The following CNTNAP2 variants were observed in gnomAD, a reference collection of about 807,000 sequenced individuals.
CNTNAP2 encodes contactin associated protein 2.
Under a neutral mutation model 155.2 loss-of-function variants are expected in CNTNAP2, and 98 were observed. That is an observed-to-expected ratio of 0.63 (90% confidence interval 0.54 to 0.75). The LOEUF (loss-of-function observed/expected upper bound fraction) is 0.75. Ranked by LOEUF, CNTNAP2 falls within the 30% of genes least tolerant of loss-of-function variation. CNTNAP2 has a pLI of 0.00. For missense variants in CNTNAP2, 1,727 were observed against 1,688.1 expected (o/e 1.02, Z -0.40); for synonymous variants, 651 against 631.2 (o/e 1.03, Z -0.47).
chr7:146,206,235 T>G (rs1798944730), intron 1 of CNTNAP2, among the ~76,000 whole-genome samples: 1 of 151,756 alleles, frequency 6.6e-6, no homozygotes, highest in Non-Finnish European at 1.5e-5. Flanking sequence ...GAAAATCCAT[T>G]AAATAATTCA....
At chr7:147,849,391 A>G (rs1481025239) in intron 13 of CNTNAP2, among the ~76,000 whole-genome samples, 1 of 152,164 alleles carries the variant, frequency 6.6e-6, no homozygotes, top group African/African-American at 2.4e-5. Context: ...AGACTTTTAG[A>G]ACATGATCTG....
intron 1 of CNTNAP2, among the ~76,000 whole-genome samples, chr7:146,348,379 C>T (rs867779172): frequency 6.6e-6 from 1 of 152,064 alleles, no homozygotes; most frequent in Non-Finnish European, 1.5e-5. Context: ...GAGTGGAGAT[C>T]GTGCCACTGC....
intron 1 of CNTNAP2, among the ~76,000 whole-genome samples, chr7:146,381,173 G>A (rs1272934260): frequency 1.3e-5 from 2 of 151,990 alleles, no homozygotes; most frequent in East Asian, 1.9e-4. Context: ...AGATATCAGC[G>A]AACATGTCAC....
At chr7:146,318,406 CAATAT>C (rs1423695884) in intron 1 of CNTNAP2, among the ~76,000 whole-genome samples, 3 of 151,872 alleles carry the variant, frequency 2.0e-5, no homozygotes, top group Non-Finnish European at 4.4e-5. Flanking sequence ...ACTTCATTGT[CAATAT>C]ATTATACAGG....
chr7:147,176,598 T>C (rs1457469764), intron 8 of CNTNAP2, among the ~76,000 whole-genome samples: 2 of 145,558 alleles, frequency 1.4e-5, no homozygotes, highest in Non-Finnish European at 3.0e-5. Context: ...TTATATCTTA[T>C]ATACATATGT....
In CNTNAP2 at chr7:148,415,604, A is replaced by G; in HGVS notation, c.3984A>G (p.Glu1328=). The G allele has an allele frequency of 2.5e-6, 4 of 1,614,182 alleles. No homozygotes were observed. The highest frequency in any genetic ancestry group is 2.7e-5 in the African/African-American group (2 of 75,054). The part of the protein sequence containing the change: ...FTETIDESKK[E]WLI ...AGACCATTGATGAAAGCAAAAAGGA[A>G]TGGCTCATTTGAGGGGTGGCTACTT... Residue 1328 remains glutamate, a synonymous_variant, in exon 24 of 24, where the codon GAA becomes GAG. Transcript: ENST00000361727.
rs557045238 is a variant in CNTNAP2 at position 147,320,209 on chromosome 7, G to A, written c.1498+19919G>A. Among the ~76,000 whole-genome samples the A allele has an allele frequency of 1.5e-3, 224 of 152,188 alleles. 2 individuals are homozygous for A. The highest frequency in any genetic ancestry group is 5.2e-3 in the African/African-American group (215 of 41,532). On this transcript the variant is annotated intron_variant, in intron 9 of 23. Transcript: ENST00000361727. ...AGAAAGAAGTGAAAAGAGTCATGGA[G>A]CCCCTTTCTTTAAGGACACTTCCTG...
At chr7:148,254,051 T>A (rs777677023) in intron 20 of CNTNAP2, among the ~76,000 whole-genome samples, 1 of 152,184 alleles carries the variant, frequency 6.6e-6, no homozygotes, top group Non-Finnish European at 1.5e-5. Flanking sequence ...CAAGCCCATG[T>A]TGTTTAAGGG....
chr7:146,193,966 A>G (rs781606126), intron 1 of CNTNAP2, among the ~76,000 whole-genome samples: 1 of 152,244 alleles, frequency 6.6e-6, no homozygotes, highest in Non-Finnish European at 1.5e-5. Context: ...TTGCTAAAAC[A>G]TAACAAGAGT....
At chr7:146,873,530 G>C (rs17170284) in intron 3 of CNTNAP2, among the ~76,000 whole-genome samples, 50,555 of 151,852 alleles carry the variant, frequency 0.33, 8,543 homozygotes, top group African/African-American at 0.37. Context: ...AACTGGAAGT[G>C]CATGCGATTC....
intron 9 of CNTNAP2, among the ~76,000 whole-genome samples, chr7:147,370,732 C>A (rs1383953130): frequency 1.3e-5 from 2 of 152,116 alleles, no homozygotes; most frequent in African/African-American, 4.8e-5. Context: ...TTCCTGACTA[C>A]TGTCTTTACC....
At chr7:147,731,472 C>T (rs1796737853) in intron 13 of CNTNAP2, among the ~76,000 whole-genome samples, 1 of 151,938 alleles carries the variant, frequency 6.6e-6, no homozygotes. Context: ...TATTTTAAGC[C>T]CACTATTGAG....
At chr7:146,938,249 CT>C (rs1029962315) in intron 3 of CNTNAP2, among the ~76,000 whole-genome samples, 9 of 151,990 alleles carry the variant, frequency 5.9e-5, no homozygotes, top group African/African-American at 2.2e-4. Context: ...CAAAGCTTAA[CT>C]TTCCCCTTGG....
At chr7:146,270,354 T>C (rs1800061406) in intron 1 of CNTNAP2, among the ~76,000 whole-genome samples, 1 of 152,148 alleles carries the variant, frequency 6.6e-6, no homozygotes, top group Admixed American at 6.5e-5. Context: ...CTAGGTAAAA[T>C]GAATTAAGGG....
chr7:146,422,586 A>T (rs1526154), intron 1 of CNTNAP2, among the ~76,000 whole-genome samples: 1 of 151,690 alleles, frequency 6.6e-6, no homozygotes, highest in Admixed American at 6.6e-5. Context: ...AAATTGCCTT[A>T]TAGCACACAA....
intron 10 of CNTNAP2, among the ~76,000 whole-genome samples, chr7:147,413,484 G>A (rs1040127247): frequency 9.2e-5 from 14 of 152,156 alleles, no homozygotes; most frequent in African/African-American, 3.1e-4. Flanking sequence ...GCCAAGAGGA[G>A]TACTCTCAAT....
intron 2 of CNTNAP2, among the ~76,000 whole-genome samples, chr7:146,835,955 G>A (rs530746400): frequency 3.3e-5 from 5 of 152,268 alleles, no homozygotes; most frequent in African/African-American, 4.8e-5. Context: ...TTGACCAGTC[G>A]TTGCAGTTGC....
At chr7:146,471,326 G>T (rs17170100) in intron 1 of CNTNAP2, among the ~76,000 whole-genome samples, 30,687 of 152,110 alleles carry the variant, frequency 0.2, 4,611 homozygotes, top group African/African-American at 0.43. Flanking sequence ...GTCTTAAGTC[G>T]AACCTTTGAT....
intron 1 of CNTNAP2, among the ~76,000 whole-genome samples, chr7:146,588,769 A>C (rs1262488905): frequency 1.3e-5 from 2 of 152,066 alleles, no homozygotes; most frequent in Non-Finnish European, 2.9e-5. Flanking sequence ...TGTGCCTCCC[A>C]AAATGCTGGG....
Sources: gnomAD v4.1 joint callset for allele counts (sites outside exome capture counted in the v4.1 genomes callset) on GRCh38, gnomAD v4.1.1 for gene constraint, MANE v1.5 for transcripts, NCBI Gene and HGNC (gene_info 2026-07-23, HGNC 2026-07-21) for gene names.